The following VAV1 variants were observed in gnomAD, a reference collection of about 807,000 sequenced individuals.
The protein encoded by VAV1 is proto-oncogene vav.
In VAV1, 33 loss-of-function variants were observed where a neutral mutation model predicts 128.1. That is an observed-to-expected ratio of 0.26 (90% CI 0.20 to 0.34). The LOEUF is 0.34. Ranked by LOEUF, VAV1 falls within the 10% of genes least tolerant of loss-of-function variation. VAV1 has a pLI of 1.00. For synonymous variants in VAV1, 394 were observed against 409.8 expected, an observed-to-expected ratio of 0.96 and a Z score of 0.47; for missense variants, 715 against 1,093.7, an observed-to-expected ratio of 0.65 and a Z score of 4.88.
chr19:6,841,997 G>T (rs995722915), intron 21 of VAV1, among the ~76,000 whole-genome samples: 5 of 151,842 alleles, frequency 3.3e-5, no homozygotes, highest in Non-Finnish European at 7.4e-5. Flanking sequence ...AGGCCGAGGC[G>T]GGTGGATCAC....
chr19:6,789,577 CT>C (rs1425723875), intron 1 of VAV1, among the ~76,000 whole-genome samples: 1 of 144,522 alleles, frequency 6.9e-6, no homozygotes, highest in Admixed American at 6.7e-5. Flanking sequence ...GTTCTGCTTT[CT>C]TTTCTTTTCT....
chr19:6,822,625 C>T lies in VAV1; in HGVS notation c.654+111C>T, dbSNP rs981273871. 1.1e-6 allele frequency: 1 copy of T among 896,106 alleles called. No individual in the cohort carries two copies. The highest frequency in any genetic ancestry group is 1.7e-6 in the Non-Finnish European group (1 of 600,360). 55.5% of individuals were successfully genotyped at this position (896,106 alleles called of 1,614,324 possible). On this transcript the variant is annotated intron_variant, in intron 6 of 26. Transcript: ENST00000602142. This position sits in a 1 kb window ranked among gnomAD's most constrained non-coding sequence, Gnocchi z 5.9. ...GCAGCTGAGGATTTCCTGCTCCCAT[C>T]GCTTTTCCTTTCTGTGACTGTCTCC... is the stretch of plus-strand genomic sequence containing the variant.
At chr19:6,832,593 T>TCCTTCCTCCCCTTCCTCCTCCTCGCCC (rs1972100575) in intron 15 of VAV1, among the ~76,000 whole-genome samples, 1 of 119,222 alleles carries the variant, frequency 8.4e-6, no homozygotes, top group Non-Finnish European at 1.6e-5. Context: ...CGCCCTCCTC[T>TCCTTCCTCCCCTTCCTCCTCCTCGCCC]TCCTCTTCCT....
rs1275680545 is a variant in VAV1 at position 6,820,636 on chromosome 19, C to A, written c.205-66C>A. On this transcript the variant is annotated intron_variant, in intron 1 of 26. Transcript: ENST00000602142. This position sits in a 1 kb window ranked among gnomAD's most constrained non-coding sequence, Gnocchi z 4.4. ...CCACACCAGTCCCCAAGCTAGGTGG[C>A]CTGGGGGTCAGTTTCTCCCCTGCCC... is the stretch of plus-strand genomic sequence containing the variant. 1.2e-5 allele frequency: 17 copies of A among 1,363,740 alleles called. No individual in the cohort carries two copies. Among genetic ancestry groups the A allele is most frequent in the Non-Finnish European group, 1.7e-5 (16 of 954,702 alleles). The allele number at this position is 1,363,740 out of a possible 1,614,324, so 84.5% of individuals were successfully genotyped here.
At chr19:6,833,346 A>G in intron 16 of VAV1, 61 bp downstream of exon 16, 1 of 1,518,410 alleles carries the variant, frequency 6.6e-7, no homozygotes, top group Non-Finnish European at 9.0e-7. Context: ...TTGCTAGAGA[A>G]GATGGCCTAG....
chr19:6,823,130 C>CTTTATCTATCTATCTT (rs1971836571), intron 6 of VAV1, among the ~76,000 whole-genome samples: 5 of 143,180 alleles, frequency 3.5e-5, no homozygotes, highest in African/African-American at 5.1e-5. Flanking sequence ...ATCTATCTAT[C>CTTTATCTATCTATCTT]TTTTTTTTTT....
chr19:6,820,756 G>T lies in VAV1; in HGVS notation c.259G>T (p.Gly87Cys). Reference protein sequence around the residue: ...TFLSTCCEKFGLKRSELFEAF... With the variant: ...TFLSTCCEKFCLKRSELFEAF... ...CCTGTCCACCTGCTGTGAGAAGTTC[G>T]GCCTCAAGCGGAGCGAGCTCTTCGA... Residue 87 changes from glycine to cysteine, a missense_variant, in exon 2 of 27, where the codon GGC becomes TGC. Coordinates refer to ENST00000602142, the MANE Select transcript of VAV1 (RefSeq NM_005428.4). The surrounding 1 kb of genome is among the most constrained non-coding windows in gnomAD (Gnocchi z 4.4). 1 of 1,614,178 alleles carries T rather than the reference G, an allele frequency of 6.2e-7. No individual in the cohort carries two copies. The highest frequency in any genetic ancestry group is 1.1e-5 in the South Asian group (1 of 91,086).
At chr19:6,851,159 T>G (rs1032242341) in intron 24 of VAV1, among the ~76,000 whole-genome samples, 27 of 151,894 alleles carry the variant, frequency 1.8e-4, no homozygotes, top group Admixed American at 5.3e-4. Flanking sequence ...TTTTTATATA[T>G]ATAGATAGAT....
chr19:6,848,858 A>C (rs550886352), intron 23 of VAV1, among the ~76,000 whole-genome samples: 1 of 150,982 alleles, frequency 6.6e-6, no homozygotes, highest in Non-Finnish European at 1.5e-5. Context: ...CAGTGGTGAG[A>C]TCTTAGCTCA....
Position 6,773,747 on chromosome 19 carries a change from C to A in VAV1, c.204+736C>A, listed in dbSNP as rs144640161. Among the ~76,000 whole-genome samples, 284 of 152,246 alleles carry A rather than the reference C, an allele frequency of 1.9e-3. 3 individuals are homozygous for A. Among genetic ancestry groups the A allele is most frequent in the African/African-American group, 6.7e-3 (280 of 41,546 alleles). On this transcript the variant is annotated intron_variant, in intron 1 of 26. Coordinates refer to ENST00000602142, the MANE Select transcript of VAV1 (RefSeq NM_005428.4). The stretch of plus-strand genomic sequence containing the variant: ...TGGATTTGACTGTGGCTGTATGAGA[C>A]TGGCTCAGGAAATATATTCAAATCC...
intron 14 of VAV1, among the ~76,000 whole-genome samples, chr19:6,831,266 C>T (rs914581076): frequency 3.9e-5 from 6 of 152,080 alleles, no homozygotes; most frequent in Admixed American, 3.3e-4. Flanking sequence ...CTCTTCCGTT[C>T]GCTTCAGTTT....
rs1346083877 is a variant in VAV1, at chr19:6,829,767, G to A, written c.1266-19G>A. 2 of 1,613,894 alleles carry A rather than the reference G, an allele frequency of 1.2e-6. No individual in the cohort carries two copies. Among genetic ancestry groups the A allele is most frequent in the Admixed American group, 3.3e-5 (2 of 60,014 alleles). On this transcript the variant is annotated intron_variant, in intron 13 of 26. Coordinates refer to ENST00000602142, the MANE Select transcript of VAV1 (RefSeq NM_005428.4). ...CAGTTGGGAAGAGCCAGACAGGAATGCGTTATCCATCCTTCCAGGTATGCC... is the reference window on the plus strand; with the variant it reads ...CAGTTGGGAAGAGCCAGACAGGAATACGTTATCCATCCTTCCAGGTATGCC...
chr19:6,852,324 T>C (rs576950877), intron 24 of VAV1, among the ~76,000 whole-genome samples: 181 of 152,328 alleles, frequency 1.2e-3, no homozygotes, highest in South Asian at 2.1e-3. Context: ...CTGATGATGA[T>C]TGCTAATTGT....
intron 1 of VAV1, among the ~76,000 whole-genome samples, chr19:6,816,942 C>T (rs1362782788): frequency 3.3e-5 from 5 of 151,778 alleles, no homozygotes; most frequent in Admixed American, 1.3e-4. Flanking sequence ...CCAGCCTGGG[C>T]GACAGAGCAA....
intron 26 of VAV1, among the ~76,000 whole-genome samples, chr19:6,856,648 C>T (rs191838574): frequency 2.8e-4 from 42 of 149,264 alleles, no homozygotes; most frequent in African/African-American, 9.6e-4. Context: ...CACTTGAACC[C>T]GGGAGGTGGA....
chr19:6,855,802 CATCTATCTATCTATCTATCT>C (rs58591070), intron 26 of VAV1, among the ~76,000 whole-genome samples: 25 of 149,490 alleles, frequency 1.7e-4, no homozygotes, highest in East Asian at 4.0e-4. Flanking sequence ...TCCACCCATT[CATCTATCTATCTATCTATCT>C]ATCTATCTAT....
At chr19:6,811,937 GC>G (rs1971521064) in intron 1 of VAV1, among the ~76,000 whole-genome samples, 1 of 152,188 alleles carries the variant, frequency 6.6e-6, no homozygotes, top group Non-Finnish European at 1.5e-5. Context: ...ACTTTCATTT[GC>G]AGTTTTGCCA....
Position 6,790,888 on chromosome 19 carries a change from T to C in VAV1, c.204+17877T>C, listed in dbSNP as rs148478621. Among the ~76,000 whole-genome samples, 29 of 152,304 alleles carry C rather than the reference T, an allele frequency of 1.9e-4. No homozygotes were observed. In the East Asian group the frequency reaches 5.4e-3, roughly 28 times the overall value. On this transcript the variant is annotated intron_variant, in intron 1 of 26. Transcript: ENST00000602142. Reference sequence around the variant, plus strand: ...CAGCTTCTGGGTGTTGCCATGGCAATGGTAAACTGACATAGCACTGGTGGC... The same window carrying C: ...CAGCTTCTGGGTGTTGCCATGGCAACGGTAAACTGACATAGCACTGGTGGC...
rs553450655 is a variant in VAV1 at position 6,804,023 on chromosome 19, G to A, written c.205-16679G>A. On this transcript the variant is annotated intron_variant, in intron 1 of 26. Coordinates refer to ENST00000602142, the MANE Select transcript of VAV1 (RefSeq NM_005428.4). ...ACCAGCTATGTGATGTTTCAGAAAA[G>A]GCAAAACTGTAGAAGCAGTAAAAAG... 3.3e-5 allele frequency among the ~76,000 whole-genome samples: 5 copies of A among 152,222 alleles called. No individual in the cohort carries two copies. The South Asian group carries it at 1.0e-3, about 32-fold the overall frequency.
Sources: gnomAD v4.1 joint callset for allele counts (sites outside exome capture counted in the v4.1 genomes callset) on GRCh38, gnomAD v4.1.1 for gene constraint, Gnocchi (gnomAD v3.1) non-coding constraint, MANE v1.5 for transcripts, NCBI Gene and HGNC (gene_info 2026-07-23, HGNC 2026-07-21) for gene names.